The following MRPL30 variants were observed in gnomAD, a reference collection of about 807,000 sequenced individuals.
MRPL30 encodes the protein large ribosomal subunit protein uL30m.
A neutral mutation model predicts 17.2 loss-of-function variants in MRPL30; 10 were observed. The ratio of observed to expected loss-of-function variants is 0.58; its 90% CI spans 0.36 to 0.99. The LOEUF (loss-of-function observed/expected upper bound fraction) is 0.99. Among genes scored for constraint, MRPL30 ranks in the 50% least tolerant of loss-of-function variants. The pLI, the probability that MRPL30 is intolerant of heterozygous loss-of-function variation, is 0.01. For synonymous variants in MRPL30, 61 were observed against 62.1 expected (o/e 0.98, Z 0.08); for missense variants, 170 against 189.8 (o/e 0.90, Z 0.61).
rs1349588213 is a variant in MRPL30, at chr2:99,198,979, C to T, written c.*3274C>T. 6.6e-6 allele frequency among the ~76,000 whole-genome samples: 1 copy of T among 151,930 alleles called. No individual in the cohort carries two copies. The highest frequency in any genetic ancestry group is 1.5e-5 in the Non-Finnish European group (1 of 67,998). On this transcript the variant is annotated 3_prime_UTR_variant, in exon 6 of 6. Transcript: ENST00000338148. The stretch of plus-strand genomic sequence containing the variant: ...TCTCATAAGAATGCTAGCTAGTATG[C>T]CTATTATCTAACTGGCACAGTTTCA...
Position 99,197,667 on chromosome 2 carries a change from G to T in MRPL30, c.*1962G>T, listed in dbSNP as rs573218331. 6.6e-6 allele frequency: 1 copy of T among 152,240 alleles called. No individual in the cohort carries two copies. The highest frequency in any genetic ancestry group is 2.4e-5 in the African/African-American group (1 of 41,536). The allele number at this position is 152,240 out of a possible 1,614,324, so 9.4% of individuals were successfully genotyped here. On this transcript the variant is annotated 3_prime_UTR_variant, in exon 6 of 6. Coordinates refer to ENST00000338148, the MANE Select transcript of MRPL30 (RefSeq NM_145212.4). The stretch of plus-strand genomic sequence containing the variant: ...TAATTTTTTTTTCTTTAGAGACAGG[G>T]TCTCACTCTGTCGCCCAGCCTGGAG...
At chr2:99,191,481 A>G (rs1382807713) in intron 3 of MRPL30, among the ~76,000 whole-genome samples, 1 of 152,182 alleles carries the variant, frequency 6.6e-6, no homozygotes, top group Non-Finnish European at 1.5e-5. Flanking sequence ...TAGTTATGTC[A>G]GTTAATGCTA....
chr2:99,187,501 C>G (rs1229079794), intron 2 of MRPL30, among the ~76,000 whole-genome samples: 1 of 152,212 alleles, frequency 6.6e-6, no homozygotes, highest in Non-Finnish European at 1.5e-5. Context: ...AGCCTCCCAC[C>G]TATTTTTGTA....
At chr2:99,188,035 G>A (rs1220673077) in intron 2 of MRPL30, 142 bp from the exon 3 acceptor site, 7 of 575,170 alleles carry the variant, frequency 1.2e-5, no homozygotes, top group African/African-American at 5.7e-5. Context: ...GATGGGATGC[G>A]TTCACTCAGC....
At position 99,195,770 on chromosome 2, in the gene MRPL30, T is replaced by G; in HGVS notation, c.*65T>G. ...TATTTAAAGATGGTGAGAAAGTGTT[T>G]TCATTAAAATATGTTTTCAAAACCA... is the stretch of plus-strand genomic sequence containing the variant. On this transcript the variant is annotated 3_prime_UTR_variant, in exon 6 of 6. Coordinates refer to ENST00000338148, the MANE Select transcript of MRPL30 (RefSeq NM_145212.4). 4.4e-6 allele frequency: 7 copies of G among 1,602,658 alleles called. No homozygotes were observed. The highest frequency in any genetic ancestry group is 4.0e-5 in the African/African-American group (3 of 74,084).
intron 3 of MRPL30, among the ~76,000 whole-genome samples, chr2:99,194,198 C>T (rs930015979): frequency 2.6e-5 from 4 of 152,030 alleles, no homozygotes; most frequent in Non-Finnish European, 1.5e-5. Context: ...AATACACATC[C>T]TTATTCGGTA....
At chr2:99,185,801 A>C (rs1435397898) in intron 1 of MRPL30, 3 of 453,272 alleles carry the variant, frequency 6.6e-6, no homozygotes, top group Admixed American at 2.4e-5. Context: ...GGATGTGGGC[A>C]GTCAGTTCTA....
chr2:99,193,453 T>TC (rs1218469635), intron 3 of MRPL30, among the ~76,000 whole-genome samples: 1 of 152,212 alleles, frequency 6.6e-6, no homozygotes, highest in Non-Finnish European at 1.5e-5. Flanking sequence ...CAATTTTTTT[T>TC]CTAAATCTGC....
chr2:99,188,774 C>G (rs1356743766), intron 3 of MRPL30, among the ~76,000 whole-genome samples: 1 of 152,064 alleles, frequency 6.6e-6, no homozygotes, highest in Non-Finnish European at 1.5e-5. Context: ...AATCTCATCT[C>G]ACTGCAACCT....
intron 3 of MRPL30, among the ~76,000 whole-genome samples, chr2:99,192,194 T>C (rs1330134399): frequency 6.6e-6 from 1 of 152,242 alleles, no homozygotes; most frequent in Admixed American, 6.5e-5. Flanking sequence ...TGTTGTGTGT[T>C]TTAAGATGTG....
intron 3 of MRPL30, among the ~76,000 whole-genome samples, chr2:99,191,145 T>C (rs1433566525): frequency 6.6e-6 from 1 of 152,114 alleles, no homozygotes; most frequent in Non-Finnish European, 1.5e-5. Flanking sequence ...TAGCTGGGAT[T>C]ACAGGCATGT....
At chr2:99,186,303 T>C in intron 2 of MRPL30, 49 bp downstream of exon 2, 1 of 1,549,206 alleles carries the variant, frequency 6.5e-7, no homozygotes, top group Middle Eastern at 1.7e-4. Flanking sequence ...TTATGAATTT[T>C]TTTTTTAATC....
chr2:99,193,589 G>A (rs759730947), intron 3 of MRPL30, among the ~76,000 whole-genome samples: 2 of 152,144 alleles, frequency 1.3e-5, no homozygotes, highest in Non-Finnish European at 1.5e-5. Context: ...TACAGATGAT[G>A]CACATAACAG....
At chr2:99,191,815 C>T (rs914681367) in intron 3 of MRPL30, among the ~76,000 whole-genome samples, 13 of 152,110 alleles carry the variant, frequency 8.5e-5, no homozygotes, top group East Asian at 1.9e-4. Flanking sequence ...TCAACATAGT[C>T]GCGCATAGTT....
At chr2:99,194,181 G>A (rs918441168) in intron 3 of MRPL30, among the ~76,000 whole-genome samples, 6 of 152,156 alleles carry the variant, frequency 3.9e-5, no homozygotes, top group East Asian at 3.9e-4. Context: ...GTTACACATA[G>A]TGTTAGAATA....
intron 3 of MRPL30, among the ~76,000 whole-genome samples, chr2:99,191,241 G>T (rs368292803): frequency 1.3e-5 from 2 of 152,040 alleles, no homozygotes; most frequent in African/African-American, 4.8e-5. Flanking sequence ...TCCTGACCTC[G>T]TGATCCACCC....
At chr2:99,189,556 G>C (rs886840176) in intron 3 of MRPL30, among the ~76,000 whole-genome samples, 5 of 152,108 alleles carry the variant, frequency 3.3e-5, no homozygotes, top group Non-Finnish European at 7.3e-5. Context: ...AAACATCTTG[G>C]TTGCTTCTAG....
At chr2:99,187,265 T>C (rs888723279) in intron 2 of MRPL30, among the ~76,000 whole-genome samples, 1 of 152,202 alleles carries the variant, frequency 6.6e-6, no homozygotes, top group African/African-American at 2.4e-5. Context: ...TATCCTGGTA[T>C]GAAAGGTTGG....
intron 2 of MRPL30, 83 bp from the exon 3 acceptor site, chr2:99,188,094 A>G (rs968421040): frequency 9.8e-7 from 1 of 1,019,398 alleles, no homozygotes; most frequent in Non-Finnish European, 1.4e-6. Context: ...GTTGGAACAG[A>G]CTTCTGTTAC....
Sources: allele counts gnomAD v4.1 joint callset (sites outside exome capture counted in the v4.1 genomes callset), GRCh38; gene constraint gnomAD v4.1.1; transcripts MANE v1.5; gene names NCBI Gene and HGNC (gene_info 2026-07-23, HGNC 2026-07-21).